TMEM74: variants seen among roughly 807,000 people sequenced by gnomAD.
TMEM74 encodes transmembrane protein 74.
In TMEM74, 13 loss-of-function variants were observed where a neutral mutation model predicts 18.1. That is an observed-to-expected ratio of 0.72 (90% CI 0.47 to 1.14). The LOEUF (loss-of-function observed/expected upper bound fraction) is 1.14. TMEM74 is among the 50% of genes most tolerant of loss of function. TMEM74 has a pLI of 0.00. For synonymous variants in TMEM74, 159 were observed against 146.6 expected (o/e 1.08, Z -0.61); for missense variants, 372 against 375.9 (o/e 0.99, Z 0.09).
rs71526706 is a variant in TMEM74, at chr8:108,756,611, G to A, written n.119+30865C>T. 1.8e-3 allele frequency among the ~76,000 whole-genome samples: 119 copies of A among 64,636 alleles called. 1 individual carries two copies. Among genetic ancestry groups the A allele is most frequent in the African/African-American group, 8.4e-3 (104 of 12,448 alleles). 42.4% of individuals were successfully genotyped at this position (64,636 alleles called of 152,430 possible). On this transcript the variant is annotated intron_variant and non_coding_transcript_variant, in intron 1 of 3. Coordinates refer to the TMEM74 transcript ENST00000518838. Reference sequence around the variant, plus strand: ...AAGAAAGAAAGAGAAAGGAAGGAAGGAAGGAAGGAAGGAAGGAAGGAAGGA... The same window carrying A: ...AAGAAAGAAAGAGAAAGGAAGGAAGAAAGGAAGGAAGGAAGGAAGGAAGGA...
At chr8:108,652,837 G>T in intron 2 of TMEM74, 1 of 530,734 alleles carries the variant, frequency 1.9e-6, no homozygotes, top group Non-Finnish European at 3.6e-6. Flanking sequence ...CAGATATGAA[G>T]GTTGTATGGT....
chr8:108,747,013 CTAGCAAAT>C (rs1293657385), intron 1 of TMEM74, among the ~76,000 whole-genome samples: 2 of 152,098 alleles, frequency 1.3e-5, no homozygotes, highest in Non-Finnish European at 2.9e-5. Flanking sequence ...ATGAGCCATT[CTAGCAAAT>C]TATTGAGTCT....
At chr8:108,717,739 A>G (rs1417013426) in intron 1 of TMEM74, among the ~76,000 whole-genome samples, 1 of 152,126 alleles carries the variant, frequency 6.6e-6, no homozygotes, top group Non-Finnish European at 1.5e-5. Context: ...TAGAGGGAAC[A>G]GGGCCCTGAG....
intron 1 of TMEM74, among the ~76,000 whole-genome samples, chr8:108,767,060 T>C (rs887373300): frequency 6.6e-6 from 1 of 152,176 alleles, no homozygotes; most frequent in Non-Finnish European, 1.5e-5. Context: ...GACTCAAATG[T>C]TAATCTCCTT....
At chr8:108,707,614 T>G (rs1056760811) in intron 1 of TMEM74, among the ~76,000 whole-genome samples, 5 of 152,138 alleles carry the variant, frequency 3.3e-5, no homozygotes, top group Non-Finnish European at 5.9e-5. Flanking sequence ...CTTCAAAAAA[T>G]TGGGTTGTGA....
At chr8:108,691,109 T>C (rs1285794984) in intron 1 of TMEM74, among the ~76,000 whole-genome samples, 1 of 152,226 alleles carries the variant, frequency 6.6e-6, no homozygotes, top group Admixed American at 6.5e-5. Context: ...TGAAAGAATC[T>C]AAACGGTTTC....
intron 1 of TMEM74, among the ~76,000 whole-genome samples, chr8:108,682,535 A>G (rs1259715109): frequency 1.3e-5 from 2 of 152,106 alleles, no homozygotes; most frequent in African/African-American, 2.4e-5. Context: ...TATTTGGTTC[A>G]TGGCTATATC....
At chr8:108,646,649 T>C (rs1812723228) in intron 2 of TMEM74, among the ~76,000 whole-genome samples, 1 of 152,210 alleles carries the variant, frequency 6.6e-6, no homozygotes, top group African/African-American at 2.4e-5. Context: ...TACAGTTTAA[T>C]GAACTGAGAT....
At chr8:108,608,671 G>A (rs1384819123) in intron 3 of TMEM74, 1 of 152,182 alleles carries the variant, frequency 6.6e-6, no homozygotes, top group Non-Finnish European at 1.5e-5. Context: ...CCTTAGGGCT[G>A]TTTGGCTCAT....
In TMEM74 at chr8:108,784,423, C is replaced by T. The variant is rs1170531516; in HGVS notation, c.676G>A (p.Ala226Thr). The T allele has an allele frequency of 6.2e-7, 1 of 1,613,972 alleles. No individual in the cohort carries two copies. Among genetic ancestry groups the T allele is most frequent in the Non-Finnish European group, 8.5e-7 (1 of 1,180,022 alleles). Reference sequence around the variant, plus strand: ...GCAATCACACAGCGGTCCAGGTGAGCCCCCAGCCTCGCACTCTCCTTCTCC... The same window carrying T: ...GCAATCACACAGCGGTCCAGGTGAGTCCCCAGCCTCGCACTCTCCTTCTCC... Reference protein sequence around the residue: ...RLEKESARLGAHLDRCVIAGL... With the variant: ...RLEKESARLGTHLDRCVIAGL... The change falls in exon 2 of 2, where the codon GCT (alanine) becomes ACT (threonine). Residue 226 changes from alanine to threonine, a missense_variant. Transcript: ENST00000297459.
chr8:108,752,360 G>T (rs1813912474), intron 1 of TMEM74, among the ~76,000 whole-genome samples: 1 of 152,008 alleles, frequency 6.6e-6, no homozygotes, highest in Non-Finnish European at 1.5e-5. Flanking sequence ...TTCACCTAAA[G>T]GCTGTGACGA....
chr8:108,641,833 G>A (rs1312581374), intron 2 of TMEM74, among the ~76,000 whole-genome samples: 1 of 151,990 alleles, frequency 6.6e-6, no homozygotes, highest in Non-Finnish European at 1.5e-5. Context: ...ATCATTAAGG[G>A]GCTTCATAAA....
chr8:108,700,475 A>G (rs1702636588), intron 1 of TMEM74, among the ~76,000 whole-genome samples: 2 of 145,680 alleles, frequency 1.4e-5, no homozygotes, highest in Admixed American at 1.4e-4. Context: ...AACGACTAAA[A>G]GAGAATATGA....
At chr8:108,691,789 G>C (rs529720447) in intron 1 of TMEM74, among the ~76,000 whole-genome samples, 1 of 152,242 alleles carries the variant, frequency 6.6e-6, no homozygotes, top group Admixed American at 6.5e-5. Flanking sequence ...TCACCAAATG[G>C]ATATAGGAGA....
intron 2 of TMEM74, among the ~76,000 whole-genome samples, chr8:108,645,292 G>A (rs1394461004): frequency 6.6e-6 from 1 of 152,080 alleles, no homozygotes; most frequent in South Asian, 2.1e-4. Context: ...ATAAGTGGGA[G>A]CTAAGCATTG....
chr8:108,772,259 C>T (rs974488677), intron 1 of TMEM74, among the ~76,000 whole-genome samples: 1 of 151,836 alleles, frequency 6.6e-6, no homozygotes, highest in Non-Finnish European at 1.5e-5. Flanking sequence ...GTTTTTTCTT[C>T]CTGGGGTTAT....
At chr8:108,721,654 T>C (rs1813588183) in intron 1 of TMEM74, among the ~76,000 whole-genome samples, 1 of 152,268 alleles carries the variant, frequency 6.6e-6, no homozygotes, top group Non-Finnish European at 1.5e-5. Flanking sequence ...ACAACTTTTC[T>C]AAATTATGTG....
At chr8:108,746,352 T>A (rs1164923271) in intron 1 of TMEM74, among the ~76,000 whole-genome samples, 1 of 152,012 alleles carries the variant, frequency 6.6e-6, no homozygotes, top group African/African-American at 2.4e-5. Flanking sequence ...CCCTAGGCAA[T>A]GCAGACACCC....
intron 1 of TMEM74, among the ~76,000 whole-genome samples, chr8:108,717,942 GTTTTTTTTTTTTTTTTTT>G (rs869263977): frequency 1.3e-4 from 6 of 45,920 alleles, no homozygotes; most frequent in African/African-American, 2.5e-4. Context: ...TCTGACTTAG[GTTTTTTTTTTTTTTTTTT>G]TTTTTTTTTT....
Sources: allele counts gnomAD v4.1 joint callset (sites outside exome capture counted in the v4.1 genomes callset), GRCh38; gene constraint gnomAD v4.1.1; transcripts MANE v1.5; gene names NCBI Gene and HGNC (gene_info 2026-07-23, HGNC 2026-07-21).